The following PARVB variants were observed in gnomAD, a reference collection of about 807,000 sequenced individuals.
PARVB encodes parvin beta.
Under a neutral mutation model 47.0 loss-of-function variants are expected in PARVB, and 46 were observed. That is an observed-to-expected ratio of 0.98 (90% CI 0.77 to 1.25). The LOEUF is 1.25. Ranked by LOEUF, PARVB falls within the 50% of genes most tolerant of loss-of-function variation. The pLI is 0.00. For missense variants in PARVB, 473 were observed against 471.6 expected, an observed-to-expected ratio of 1.00 and a Z score of -0.03; for synonymous variants, 196 against 196.3, an observed-to-expected ratio of 1.00 and a Z score of 0.01.
chr22:44,153,120 A>T (rs1038361081), intron 10 of PARVB: 5 of 152,202 alleles, frequency 3.3e-5, no homozygotes, highest in Admixed American at 3.3e-4. Context: ...TCGTTGGCCA[A>T]CACATTTCTT....
intron 1 of PARVB, among the ~76,000 whole-genome samples, chr22:44,087,738 C>T (rs192115714): frequency 1.3e-4 from 19 of 150,368 alleles, no homozygotes; most frequent in Middle Eastern, 3.5e-3. Context: ...ATGGAACTTT[C>T]GCATTTGGCC....
chr22:44,165,542 G>A (rs1006396034), intron 12 of PARVB, among the ~76,000 whole-genome samples: 3 of 152,180 alleles, frequency 2.0e-5, no homozygotes, highest in African/African-American at 4.8e-5. Flanking sequence ...CTAGAGGCCC[G>A]AGGGATGCTG....
chr22:44,107,553 A>T (rs2052595130), intron 3 of PARVB: 1 of 152,228 alleles, frequency 6.6e-6, no homozygotes, highest in African/African-American at 2.4e-5. Context: ...GAGGTGACTC[A>T]GGGTGGGGGC....
At chr22:44,026,410 T>C (rs2050729934) in intron 1 of PARVB, 1 of 937,900 alleles carries the variant, frequency 1.1e-6, no homozygotes, top group Admixed American at 6.2e-5. Flanking sequence ...TTCTCAGGGT[T>C]GGGGTGCCTG....
chr22:44,009,249 A>G (rs1433012190), intron 2 of PARVB, among the ~76,000 whole-genome samples: 1 of 152,210 alleles, frequency 6.6e-6, no homozygotes, highest in East Asian at 1.9e-4. Flanking sequence ...TACAGTAGGT[A>G]TGCTATGTGG....
At chr22:44,057,361 G>C (rs2051334675) in intron 1 of PARVB, among the ~76,000 whole-genome samples, 1 of 152,148 alleles carries the variant, frequency 6.6e-6, no homozygotes, top group Non-Finnish European at 1.5e-5. Flanking sequence ...CTAATGAAGT[G>C]ACTGTAGAGC....
intron 2 of PARVB, among the ~76,000 whole-genome samples, chr22:44,002,348 C>T (rs2050421650): frequency 6.6e-6 from 1 of 152,226 alleles, no homozygotes; most frequent in Non-Finnish European, 1.5e-5. Context: ...CCCATAAGGG[C>T]TAAGCTGGGA....
intron 2 of PARVB, among the ~76,000 whole-genome samples, chr22:44,095,194 C>T (rs143582382): frequency 2.8e-4 from 43 of 152,124 alleles, no homozygotes; most frequent in East Asian, 2.1e-3. Flanking sequence ...AGCAAGGCCC[C>T]GAGATGCCAA....
chr22:43,999,543 G>A (rs764134432), exon 2 of PARVB: 187 of 1,582,662 alleles, frequency 1.2e-4, no homozygotes, highest in Non-Finnish European at 1.6e-4. Flanking sequence ...GCAGGAGGCT[G>A]GAGCTGAGAC....
intron 1 of PARVB, chr22:44,086,910 C>A: frequency 1.2e-6 from 1 of 849,554 alleles, no homozygotes; most frequent in Non-Finnish European, 1.4e-6. Context: ...TCTTTGGGTT[C>A]CTGCTTAAGC....
intron 1 of PARVB, among the ~76,000 whole-genome samples, chr22:44,085,600 G>T (rs975895207): frequency 3.9e-5 from 6 of 152,196 alleles, no homozygotes; most frequent in Admixed American, 3.9e-4. Flanking sequence ...CACTGCAGCT[G>T]GCCCAACCTG....
intron 2 of PARVB, among the ~76,000 whole-genome samples, chr22:44,097,040 C>T (rs530390919): frequency 6.6e-5 from 10 of 152,062 alleles, no homozygotes; most frequent in African/African-American, 9.6e-5. Context: ...GTGGGCTCCT[C>T]GAGGGGTCCT....
In PARVB at chr22:44,155,732, A is replaced by C. The variant is rs1428899033; in HGVS notation, c.844-2250A>C. Among the ~76,000 whole-genome samples the C allele has an allele frequency of 6.6e-6, 1 of 152,116 alleles. No homozygotes were observed. The highest frequency in any genetic ancestry group is 6.5e-5 in the Admixed American group (1 of 15,274). ...GTGGGCATGAAGCTTCCATGTGGAG[A>C]CACACTTAAAAGAATTCTTCAAACC... On this transcript the variant is annotated intron_variant, in intron 10 of 12. Coordinates refer to ENST00000338758, the MANE Select transcript of PARVB (RefSeq NM_013327.5). This position sits in a 1 kb window ranked among gnomAD's most constrained non-coding sequence, Gnocchi z 4.8.
chr22:44,066,216 C>G (rs1394479687), intron 1 of PARVB, among the ~76,000 whole-genome samples: 2 of 152,178 alleles, frequency 1.3e-5, no homozygotes, highest in East Asian at 3.8e-4. Context: ...TGTCTTTCAA[C>G]TGAGTGCTTT....
chr22:44,026,647 T>G (rs1480430852), intron 1 of PARVB, among the ~76,000 whole-genome samples: 1 of 152,190 alleles, frequency 6.6e-6, no homozygotes, highest in Non-Finnish European at 1.5e-5. Flanking sequence ...CCCCTGGCCC[T>G]GACTTTGGGC....
chr22:44,045,772 T>C (rs1750948851), intron 1 of PARVB, among the ~76,000 whole-genome samples: 1 of 152,258 alleles, frequency 6.6e-6, no homozygotes, highest in African/African-American at 2.4e-5. Context: ...TTCTATTATG[T>C]TGATCAACAG....
rs563828124 is a variant in PARVB, at chr22:44,030,201, A to G, written c.112+5750A>G. 2.6e-5 allele frequency among the ~76,000 whole-genome samples: 4 copies of G among 152,272 alleles called. No individual in the cohort carries two copies. The South Asian group carries it at 8.3e-4, about 32-fold the overall frequency. On this transcript the variant is annotated intron_variant, in intron 1 of 12. Coordinates refer to ENST00000338758, the MANE Select transcript of PARVB (RefSeq NM_013327.5). Reference sequence around the variant, plus strand: ...TCCCCCCAGCAACGCCTGGGCTGGGAGCTGGGGGTGGGTGAGACCCTGGCT... The same window carrying G: ...TCCCCCCAGCAACGCCTGGGCTGGGGGCTGGGGGTGGGTGAGACCCTGGCT...
At position 44,068,215 on chromosome 22, in the gene PARVB, G is replaced by A. The variant is rs910109901; in HGVS notation, c.113-25713G>A. 3.3e-5 allele frequency among the ~76,000 whole-genome samples: 5 copies of A among 152,164 alleles called. No individual in the cohort carries two copies. The highest frequency in any genetic ancestry group is 1.9e-4 in the East Asian group (1 of 5,182). On this transcript the variant is annotated intron_variant, in intron 1 of 12. Transcript: ENST00000338758. This position sits in a 1 kb window ranked among gnomAD's most constrained non-coding sequence, Gnocchi z 4.1. ...TAATTGGAATAAATAAAAGCTAATC[G>A]TGCTTCCTGGATGCCAGGAACCACT...
At chr22:44,095,060 G>T (rs980546714) in intron 2 of PARVB, among the ~76,000 whole-genome samples, 2 of 145,852 alleles carry the variant, frequency 1.4e-5, no homozygotes, top group African/African-American at 5.0e-5. Context: ...GAAAGAGGTG[G>T]CTGGGGACTC....
Sources: allele counts gnomAD v4.1 joint callset (sites outside exome capture counted in the v4.1 genomes callset), GRCh38; gene constraint gnomAD v4.1.1; non-coding constraint Gnocchi (gnomAD v3.1); transcripts MANE v1.5; gene names NCBI Gene and HGNC (gene_info 2026-07-23, HGNC 2026-07-21).